The following SLC9A9 variants were observed in gnomAD, a reference collection of about 807,000 sequenced individuals.
The protein encoded by SLC9A9 is sodium/hydrogen exchanger 9.
Under a neutral mutation model 77.8 loss-of-function variants are expected in SLC9A9, and 62 were observed. That is an observed-to-expected ratio of 0.80 (90% CI 0.65 to 0.98). SLC9A9 has a LOEUF of 0.98. SLC9A9 is among the 50% of genes least tolerant of loss of function. The pLI is 0.00. For missense variants in SLC9A9, 775 were observed against 774.9 expected, an observed-to-expected ratio of 1.00 and a Z score of 0.00; for synonymous variants, 320 against 283.5, an observed-to-expected ratio of 1.13 and a Z score of -1.29.
intron 2 of SLC9A9, among the ~76,000 whole-genome samples, chr3:143,823,667 T>A (rs9858985): frequency 0.27 from 40,754 of 151,254 alleles, 6,305 homozygotes; most frequent in Non-Finnish European, 0.34. Flanking sequence ...ATAAAAAAAT[T>A]AAAAAATAAA....
At chr3:143,474,441 T>C (rs568377109) in intron 11 of SLC9A9, among the ~76,000 whole-genome samples, 1 of 152,080 alleles carries the variant, frequency 6.6e-6, no homozygotes, top group African/African-American at 2.4e-5. Context: ...GAGGCTGCCT[T>C]GTTAGTCCAG....
intron 4 of SLC9A9, among the ~76,000 whole-genome samples, chr3:143,726,872 T>C (rs1314082640): frequency 6.6e-6 from 1 of 152,184 alleles, no homozygotes; most frequent in African/African-American, 2.4e-5. Flanking sequence ...CAATCCATCA[T>C]TGCAAAAGCA....
chr3:143,680,871 G>C lies in SLC9A9; in HGVS notation c.649+12321C>G, dbSNP rs148571529. ...CTGACCACGTGAACTACATCAATAA[G>C]TTCCCATGCCCTCTAGCTTCTCATT... is the stretch of plus-strand genomic sequence containing the variant. On this transcript the variant is annotated intron_variant, in intron 5 of 15. Transcript: ENST00000316549. Among the ~76,000 whole-genome samples, 37 of 152,158 alleles carry C rather than the reference G, an allele frequency of 2.4e-4. 1 individual carries two copies. In the East Asian group the frequency reaches 7.1e-3, roughly 29 times the overall value.
intron 14 of SLC9A9, among the ~76,000 whole-genome samples, chr3:143,272,546 G>A (rs867071106): frequency 1.3e-5 from 2 of 152,130 alleles, no homozygotes; most frequent in African/African-American, 4.8e-5. Flanking sequence ...TGAGTAACGG[G>A]ACTTGCCTAA....
chr3:143,517,063 A>C, intron 9 of SLC9A9: 1 of 1,025,096 alleles, frequency 9.8e-7, no homozygotes. Flanking sequence ...ATAGCATGTC[A>C]ATTTCTTTAA....
chr3:143,832,048 G>T lies in SLC9A9; in HGVS notation c.349C>A (p.Pro117Thr), dbSNP rs186296463. ...KREISQHNIN[P>T]HQGNAILEKM... ...TCAAGTATAGCATTTCCTTGATGAG[G>T]ATTGATGTTGTGCTGACTTATTTCT... The change falls in exon 2 of 16, where the codon CCT becomes ACT. Residue 117 changes from proline (P) to threonine (T), a missense_variant. Coordinates refer to ENST00000316549, the MANE Select transcript of SLC9A9 (RefSeq NM_173653.4). 15 of 1,612,714 alleles carry T rather than the reference G, an allele frequency of 9.3e-6. No homozygotes were observed. In the East Asian group the frequency reaches 3.3e-4, roughly 36 times the overall value.
At chr3:143,784,590 C>T (rs893426583) in intron 4 of SLC9A9, among the ~76,000 whole-genome samples, 5 of 150,880 alleles carry the variant, frequency 3.3e-5, no homozygotes, top group East Asian at 2.0e-4. Context: ...AACTCCTGGG[C>T]TCAAGTGCTC....
intron 4 of SLC9A9, among the ~76,000 whole-genome samples, chr3:143,743,266 G>T (rs1190647856): frequency 6.6e-6 from 1 of 151,178 alleles, no homozygotes; most frequent in Non-Finnish European, 1.5e-5. Flanking sequence ...TAGATAGATA[G>T]ATAGATAGAT....
intron 14 of SLC9A9, among the ~76,000 whole-genome samples, chr3:143,329,185 GT>G (rs1429649904): frequency 6.6e-6 from 1 of 152,180 alleles, no homozygotes; most frequent in Non-Finnish European, 1.5e-5. Context: ...CATAAAGGAT[GT>G]TTCCCATTAA....
intron 12 of SLC9A9, among the ~76,000 whole-genome samples, chr3:143,442,171 C>T (rs373807228): frequency 7.9e-5 from 12 of 152,262 alleles, no homozygotes; most frequent in African/African-American, 2.9e-4. Context: ...TTAAGATCAA[C>T]GTAGAGCAAA....
intron 8 of SLC9A9, among the ~76,000 whole-genome samples, chr3:143,556,560 A>T (rs567142663): frequency 6.6e-6 from 1 of 152,336 alleles, no homozygotes; most frequent in African/African-American, 2.4e-5. Flanking sequence ...TCTGGATCCT[A>T]GCCCAGTGGT....
At chr3:143,610,850 G>A (rs957876349) in intron 6 of SLC9A9, among the ~76,000 whole-genome samples, 1 of 152,194 alleles carries the variant, frequency 6.6e-6, no homozygotes, top group Non-Finnish European at 1.5e-5. Context: ...ATCCTACAGT[G>A]AGGCTCACCA....
At chr3:143,374,918 C>T (rs2033147428) in intron 13 of SLC9A9, among the ~76,000 whole-genome samples, 1 of 152,142 alleles carries the variant, frequency 6.6e-6, no homozygotes, top group Admixed American at 6.5e-5. Context: ...CCACCTTTCC[C>T]ACTGCCCCAA....
intron 14 of SLC9A9, among the ~76,000 whole-genome samples, chr3:143,283,170 G>A (rs1351942355): frequency 3.9e-5 from 6 of 152,162 alleles, no homozygotes; most frequent in Non-Finnish European, 8.8e-5. Flanking sequence ...AGGGCTTTAT[G>A]TTAACATACA....
At chr3:143,434,862 T>C (rs2108539447) in intron 12 of SLC9A9, among the ~76,000 whole-genome samples, 1 of 152,242 alleles carries the variant, frequency 6.6e-6, no homozygotes, top group East Asian at 1.9e-4. Context: ...CCTCCTTTTC[T>C]TCATGTCTCC....
At chr3:143,700,302 G>T (rs918041163) in intron 4 of SLC9A9, among the ~76,000 whole-genome samples, 3 of 152,124 alleles carry the variant, frequency 2.0e-5, no homozygotes, top group African/African-American at 7.2e-5. Flanking sequence ...CCTGAGAAAA[G>T]TAGAGGGAAA....
At chr3:143,637,419 T>C (rs2038541400) in intron 6 of SLC9A9, among the ~76,000 whole-genome samples, 1 of 152,158 alleles carries the variant, frequency 6.6e-6, no homozygotes, top group Non-Finnish European at 1.5e-5. Context: ...ATTAACCCAT[T>C]CAGACAAAAA....
intron 4 of SLC9A9, among the ~76,000 whole-genome samples, chr3:143,696,061 G>C (rs1933631768): frequency 1.3e-5 from 2 of 152,066 alleles, no homozygotes; most frequent in African/African-American, 4.8e-5. Flanking sequence ...TTGTCAGATG[G>C]ATAGATCGCA....
At chr3:143,367,374 T>G (rs1176517293) in intron 13 of SLC9A9, among the ~76,000 whole-genome samples, 1 of 152,202 alleles carries the variant, frequency 6.6e-6, no homozygotes, top group Non-Finnish European at 1.5e-5. Context: ...AAAATACCAC[T>G]GATGACTCAG....
Sources: allele counts gnomAD v4.1 joint callset (sites outside exome capture counted in the v4.1 genomes callset), GRCh38; gene constraint gnomAD v4.1.1; transcripts MANE v1.5; gene names NCBI Gene and HGNC (gene_info 2026-07-23, HGNC 2026-07-21).